ROBO2: variants seen among roughly 807,000 people sequenced by gnomAD.
The protein encoded by ROBO2 is roundabout guidance receptor 2.
Under a neutral mutation model 160.8 loss-of-function variants are expected in ROBO2, and 53 were observed. The ratio of observed to expected loss-of-function variants is 0.33; its 90% CI spans 0.26 to 0.41. The LOEUF (loss-of-function observed/expected upper bound fraction) is 0.41. ROBO2 is among the 10% of genes least tolerant of loss of function. The pLI is 1.00. For missense variants in ROBO2, 1,577 were observed against 1,722.4 expected, an observed-to-expected ratio of 0.92 and a Z score of 1.49; for synonymous variants, 664 against 611.7, an observed-to-expected ratio of 1.09 and a Z score of -1.26.
At position 76,093,534 on chromosome 3, in the gene ROBO2, C is replaced by T. The variant is rs945764416; in HGVS notation, c.109+155932C>T. Among the ~76,000 whole-genome samples the T allele has an allele frequency of 2.0e-5, 3 of 147,384 alleles. No homozygotes were observed. The East Asian group carries it at 5.9e-4, about 29-fold the overall frequency. On this transcript the variant is annotated intron_variant, in intron 2 of 26. Transcript: ENST00000487694. ...ACATATATATTAGGCACAATATATT[C>T]TCATATATATTATCATTTTATAGTT...
intron 2 of ROBO2, among the ~76,000 whole-genome samples, chr3:76,063,587 C>T (rs1036449872): frequency 2.0e-5 from 3 of 151,816 alleles, no homozygotes; most frequent in African/African-American, 7.3e-5. Flanking sequence ...CTCAAGCTAT[C>T]CTCCCATTTC....
At chr3:76,806,809 A>C (rs1300577219) in intron 2 of ROBO2, among the ~76,000 whole-genome samples, 2 of 152,052 alleles carry the variant, frequency 1.3e-5, no homozygotes, top group African/African-American at 4.8e-5. Context: ...TACATATCAG[A>C]GCATTCTATT....
chr3:76,406,491 C>T (rs1576997427), intron 2 of ROBO2, among the ~76,000 whole-genome samples: 1 of 151,544 alleles, frequency 6.6e-6, no homozygotes, highest in Non-Finnish European at 1.5e-5. Flanking sequence ...AAGAAAATGG[C>T]CCACAGGTAA....
chr3:77,071,443 C>G (rs1312896946), intron 1 of ROBO2, among the ~76,000 whole-genome samples: 1 of 152,208 alleles, frequency 6.6e-6, no homozygotes, highest in Non-Finnish European at 1.5e-5. Context: ...GACTTCATAG[C>G]CTAGGCTCTA....
intron 2 of ROBO2, among the ~76,000 whole-genome samples, chr3:76,724,954 T>C (rs542734879): frequency 2.0e-5 from 3 of 152,202 alleles, no homozygotes; most frequent in South Asian, 4.2e-4. Flanking sequence ...TTCAGGGAAC[T>C]CCAGCAGCCA....
chr3:75,939,758 T>G (rs537808972), intron 2 of ROBO2, among the ~76,000 whole-genome samples: 1 of 152,226 alleles, frequency 6.6e-6, no homozygotes. Context: ...TATTAAATAT[T>G]ACCTTTTAAC....
intron 2 of ROBO2, among the ~76,000 whole-genome samples, chr3:76,798,411 A>G (rs969766026): frequency 7.9e-5 from 12 of 152,204 alleles, no homozygotes; most frequent in African/African-American, 2.9e-4. Flanking sequence ...AACACCCTAA[A>G]AAGATCATTC....
chr3:77,120,223 C>T (rs1275246192), intron 2 of ROBO2, among the ~76,000 whole-genome samples: 2 of 152,132 alleles, frequency 1.3e-5, no homozygotes, highest in Non-Finnish European at 2.9e-5. Flanking sequence ...CCGGCATGAA[C>T]ATTTGTCCTA....
At chr3:77,528,307 A>G (rs1221332284) in intron 6 of ROBO2, among the ~76,000 whole-genome samples, 1 of 151,660 alleles carries the variant, frequency 6.6e-6, no homozygotes, top group Non-Finnish European at 1.5e-5. Flanking sequence ...AGGTACTTTA[A>G]TAACAACTTA....
At chr3:77,638,963 A>T (rs2095308825) in intron 24 of ROBO2, among the ~76,000 whole-genome samples, 1 of 151,152 alleles carries the variant, frequency 6.6e-6, no homozygotes, top group South Asian at 2.1e-4. Context: ...AGTAGCTGGG[A>T]TTACAGGCAT....
chr3:75,985,864 A>C (rs2065400177), intron 2 of ROBO2, among the ~76,000 whole-genome samples: 1 of 151,652 alleles, frequency 6.6e-6, no homozygotes, highest in Non-Finnish European at 1.5e-5. Context: ...CTATTGTAGA[A>C]TATGTCAGAC....
At chr3:77,137,040 T>C (rs1197913805) in intron 2 of ROBO2, among the ~76,000 whole-genome samples, 2 of 152,198 alleles carry the variant, frequency 1.3e-5, no homozygotes, top group Non-Finnish European at 2.9e-5. Flanking sequence ...CACTTTGGCC[T>C]CCCAGAGTGC....
intron 2 of ROBO2, among the ~76,000 whole-genome samples, chr3:76,805,408 A>G (rs1344872044): frequency 6.6e-6 from 1 of 151,972 alleles, no homozygotes; most frequent in Non-Finnish European, 1.5e-5. Context: ...CCACCAAAAC[A>G]TCTTGAAAAG....
At chr3:77,282,140 T>A (rs900442052) in intron 2 of ROBO2, among the ~76,000 whole-genome samples, 2 of 93,006 alleles carry the variant, frequency 2.2e-5, no homozygotes, top group Non-Finnish European at 6.4e-5. Context: ...AGTGCAGACA[T>A]AATCAACCAT....
intron 2 of ROBO2, among the ~76,000 whole-genome samples, chr3:76,244,734 T>C (rs1324123534): frequency 6.6e-6 from 1 of 152,182 alleles, no homozygotes; most frequent in Non-Finnish European, 1.5e-5. Context: ...AGTATGGTTG[T>C]AGACAAATTA....
intron 2 of ROBO2, among the ~76,000 whole-genome samples, chr3:77,208,538 A>G (rs989381387): frequency 1.1e-4 from 16 of 152,186 alleles, no homozygotes; most frequent in Non-Finnish European, 1.9e-4. Flanking sequence ...CTGACCTGTT[A>G]AAACTTAGCT....
intron 2 of ROBO2, among the ~76,000 whole-genome samples, chr3:77,174,863 T>A (rs775184628): frequency 2.0e-5 from 3 of 152,048 alleles, no homozygotes; most frequent in Non-Finnish European, 2.9e-5. Context: ...AAAGGAATTA[T>A]GTTTAGCTTT....
chr3:76,945,455 T>A (rs2078473047), intron 2 of ROBO2, among the ~76,000 whole-genome samples: 2 of 152,148 alleles, frequency 1.3e-5, no homozygotes, highest in Admixed American at 1.3e-4. Context: ...CTTTCTTACT[T>A]CTGTTGATTT....
At chr3:75,921,314 T>A (rs1361980087) in intron 1 of ROBO2, among the ~76,000 whole-genome samples, 1 of 151,730 alleles carries the variant, frequency 6.6e-6, no homozygotes, top group African/African-American at 2.4e-5. Flanking sequence ...GGTTATGAAA[T>A]TCCGTATGTA....
Sources: allele counts gnomAD v4.1 joint callset (sites outside exome capture counted in the v4.1 genomes callset), GRCh38; gene constraint gnomAD v4.1.1; transcripts MANE v1.5; gene names NCBI Gene and HGNC (gene_info 2026-07-23, HGNC 2026-07-21).